FOXK1: variants seen among roughly 807,000 people sequenced by gnomAD.
FOXK1 encodes the protein forkhead box K1.
FOXK1 carries 19 observed loss-of-function variants against 51.9 expected under a neutral mutation model. The observed-to-expected ratio is 0.37, with a 90% CI of 0.26 to 0.54. The LOEUF is 0.54. Among genes scored for constraint, FOXK1 ranks in the 20% least tolerant of loss-of-function variants. FOXK1 has a pLI of 0.87. For missense variants in FOXK1, 870 were observed against 1,032.7 expected, an observed-to-expected ratio of 0.84 and a Z score of 2.16; for synonymous variants, 537 against 482.6, an observed-to-expected ratio of 1.11 and a Z score of -1.48.
chr7:4,727,270 T>G (rs1277491469), intron 1 of FOXK1, among the ~76,000 whole-genome samples: 1 of 152,076 alleles, frequency 6.6e-6, no homozygotes, highest in African/African-American at 2.4e-5. Context: ...TTATAGAATT[T>G]CATGTTAAGG....
At chr7:4,687,401 T>C (rs1779834862) in intron 1 of FOXK1, among the ~76,000 whole-genome samples, 1 of 152,010 alleles carries the variant, frequency 6.6e-6, no homozygotes, top group African/African-American at 2.4e-5. Flanking sequence ...CAAGCGATTC[T>C]CCTGCCTCAG....
At chr7:4,687,029 T>C (rs1583178399) in intron 1 of FOXK1, among the ~76,000 whole-genome samples, 1 of 150,086 alleles carries the variant, frequency 6.7e-6, no homozygotes, top group Non-Finnish European at 1.5e-5. Context: ...GCCTCCCGGG[T>C]TCACACCATT....
At position 4,756,906 on chromosome 7, in the gene FOXK1, C is replaced by G. The variant is rs1218172349; in HGVS notation, c.1051-88C>G. 1 of 1,447,064 alleles carries G rather than the reference C, an allele frequency of 6.9e-7. No individual in the cohort carries two copies. The highest frequency in any genetic ancestry group is 9.5e-7 in the Non-Finnish European group (1 of 1,058,158). 89.6% of individuals were successfully genotyped at this position (1,447,064 alleles called of 1,614,324 possible). ...CACAGAGGGACGGCCTCCCCTCACC[C>G]TGGTCCCGCATCTGCTGCAGATTTG... On this transcript the variant is annotated intron_variant, in intron 4 of 8. Coordinates refer to ENST00000328914, the MANE Select transcript of FOXK1 (RefSeq NM_001037165.2). The surrounding 1 kb of genome is among the most constrained non-coding windows in gnomAD (Gnocchi z 4.1).
intron 1 of FOXK1, among the ~76,000 whole-genome samples, chr7:4,691,001 G>C (rs952077897): frequency 6.6e-6 from 1 of 152,114 alleles, no homozygotes; most frequent in Non-Finnish European, 1.5e-5. Flanking sequence ...CTTGTTGGGC[G>C]ATCTTGTACT....
At chr7:4,701,003 G>C (rs753443973) in intron 1 of FOXK1, among the ~76,000 whole-genome samples, 1 of 152,200 alleles carries the variant, frequency 6.6e-6, no homozygotes, top group Non-Finnish European at 1.5e-5. Flanking sequence ...GCAGTGCTTT[G>C]AGCTGCTCAC....
At chr7:4,704,318 G>T (rs1780055125) in intron 1 of FOXK1, among the ~76,000 whole-genome samples, 1 of 151,748 alleles carries the variant, frequency 6.6e-6, no homozygotes, top group Non-Finnish European at 1.5e-5. Context: ...GGGCGTAGTG[G>T]GGCACGCCTG....
At chr7:4,690,982 G>A (rs1260553344) in intron 1 of FOXK1, among the ~76,000 whole-genome samples, 1 of 152,154 alleles carries the variant, frequency 6.6e-6, no homozygotes, top group Non-Finnish European at 1.5e-5. Context: ...ATAGGCCCCT[G>A]CATCGTGACT....
Position 4,749,199 on chromosome 7 carries a change from C to CT in FOXK1, c.747-5258dup, listed in dbSNP as rs1780744054. On this transcript the variant is annotated intron_variant, in intron 2 of 8. Coordinates refer to ENST00000328914, the MANE Select transcript of FOXK1 (RefSeq NM_001037165.2). The surrounding 1 kb of genome is among the most constrained non-coding windows in gnomAD (Gnocchi z 6.0). The stretch of plus-strand genomic sequence containing the variant: ...CTGCAGGTGTGCTTTGCATGCTGTT[C>CT]TTACTGTCCTACAGAGACGGCATCG... 1.3e-5 allele frequency among the ~76,000 whole-genome samples: 2 copies of CT among 152,138 alleles called. No homozygotes were observed. The highest frequency in any genetic ancestry group is 2.9e-5 in the Non-Finnish European group (2 of 68,034).
intron 1 of FOXK1, among the ~76,000 whole-genome samples, chr7:4,725,098 C>T (rs578012679): frequency 1.5e-4 from 23 of 152,388 alleles, no homozygotes; most frequent in Admixed American, 1.0e-3. Context: ...CAGCGTCCTC[C>T]GCGCCCACGT....
rs1780622411 is a variant in FOXK1, at chr7:4,740,740, T to G, written c.561-98T>G. On this transcript the variant is annotated intron_variant, in intron 1 of 8. Transcript: ENST00000328914. ...TGGGGCCCAGGTTTGAGAGTTACGG[T>G]CCAGTTACTTAGACACACAGACACG... The G allele has an allele frequency of 5.6e-6, 7 of 1,242,690 alleles. No homozygotes were observed. The South Asian group carries it at 8.7e-5, about 15-fold the overall frequency. The allele number at this position is 1,242,690 out of a possible 1,614,324, so 77.0% of individuals were successfully genotyped here. A position where few individuals can be genotyped will look rare whatever the true frequency, so the allele number is the denominator to read the frequency against.
intron 1 of FOXK1, among the ~76,000 whole-genome samples, chr7:4,701,298 T>G (rs1780018952): frequency 6.6e-6 from 1 of 152,276 alleles, no homozygotes; most frequent in Non-Finnish European, 1.5e-5. Flanking sequence ...TGAATTAGTT[T>G]GAGTAACGTT....
chr7:4,711,838 C>T lies in FOXK1; in HGVS notation c.560+28970C>T, dbSNP rs914464664. Among the ~76,000 whole-genome samples, 5 of 152,098 alleles carry T rather than the reference C, an allele frequency of 3.3e-5. No homozygotes were observed. Among genetic ancestry groups the T allele is most frequent in the African/African-American group, 1.2e-4 (5 of 41,408 alleles). Reference sequence around the variant, plus strand: ...CAAGGTCAGAGAGAAAAGATTGCGGCCGGCCGGTGTCAAGGCGGGGGACCT... The same window carrying T: ...CAAGGTCAGAGAGAAAAGATTGCGGTCGGCCGGTGTCAAGGCGGGGGACCT... On this transcript the variant is annotated intron_variant, in intron 1 of 8. Coordinates refer to ENST00000328914, the MANE Select transcript of FOXK1 (RefSeq NM_001037165.2). This position sits in a 1 kb window ranked among gnomAD's most constrained non-coding sequence, Gnocchi z 6.3.
intron 1 of FOXK1, among the ~76,000 whole-genome samples, chr7:4,737,469 TGTGTGC>T (rs1562383952): frequency 6.3e-4 from 95 of 150,908 alleles, no homozygotes; most frequent in South Asian, 1.7e-3. Context: ...TGCATGTGTG[TGTGTGC>T]GTGGGTGTGG....
rs1780148982 is a variant in FOXK1, at chr7:4,709,607, G to A, written c.560+26739G>A. ...GGCCTGTGTGGTCTGCTAGAAAAGG[G>A]GAGGTTGCAGAAGATTTTAACTTTG... On this transcript the variant is annotated intron_variant, in intron 1 of 8. Coordinates refer to ENST00000328914, the MANE Select transcript of FOXK1 (RefSeq NM_001037165.2). The surrounding 1 kb of genome is among the most constrained non-coding windows in gnomAD (Gnocchi z 5.6). 6.6e-6 allele frequency among the ~76,000 whole-genome samples: 1 copy of A among 152,212 alleles called. No homozygotes were observed. Among genetic ancestry groups the A allele is most frequent in the African/African-American group, 2.4e-5 (1 of 41,452 alleles).
At chr7:4,706,479 T>C (rs910342713) in intron 1 of FOXK1, among the ~76,000 whole-genome samples, 1 of 152,110 alleles carries the variant, frequency 6.6e-6, no homozygotes, top group African/African-American at 2.4e-5. Flanking sequence ...GGGCTGTGGA[T>C]GCTGACAGTT....
chr7:4,710,293 C>T (rs1207624041), intron 1 of FOXK1, among the ~76,000 whole-genome samples: 1 of 152,208 alleles, frequency 6.6e-6, no homozygotes, highest in Non-Finnish European at 1.5e-5. Flanking sequence ...CGCCTGTAAT[C>T]CCAGCACCTT....
Position 4,761,654 on chromosome 7 carries a change from T to C in FOXK1, c.1921+366T>C, listed in dbSNP as rs1780933995. Among the ~76,000 whole-genome samples, 1 of 151,756 alleles carries C rather than the reference T, an allele frequency of 6.6e-6. No homozygotes were observed. Among genetic ancestry groups the C allele is most frequent in the South Asian group, 2.1e-4 (1 of 4,812 alleles). ...TGAGGCTGTAGTCAGCTGTGATTGC[T>C]CCGCTACCTGCCAGCCTGGGTGACT... On this transcript the variant is annotated intron_variant, in intron 8 of 8. Transcript: ENST00000328914. The surrounding 1 kb of genome is among the most constrained non-coding windows in gnomAD (Gnocchi z 6.2).
At chr7:4,706,268 C>T (rs1412798537) in intron 1 of FOXK1, among the ~76,000 whole-genome samples, 1 of 152,048 alleles carries the variant, frequency 6.6e-6, no homozygotes, top group Non-Finnish European at 1.5e-5. Context: ...GGCTGCTGAT[C>T]AGAATCACAA....
rs1781026429 is a variant in FOXK1 at position 4,767,325 on chromosome 7, C to G, written c.*4861C>G. ...CGTCAGGCTCTTTGCAAACGCAGAGCCCCAGAACGCTGGATGGAGGCCTCC... is the reference window on the plus strand; with the variant it reads ...CGTCAGGCTCTTTGCAAACGCAGAGGCCCAGAACGCTGGATGGAGGCCTCC... On this transcript the variant is annotated 3_prime_UTR_variant, in exon 9 of 9. Transcript: ENST00000328914. The surrounding 1 kb of genome is among the most constrained non-coding windows in gnomAD (Gnocchi z 6.6). 6.6e-6 allele frequency: 1 copy of G among 152,274 alleles called. No homozygotes were observed. 9.4% of individuals were successfully genotyped at this position (152,274 alleles called of 1,614,324 possible). A position where few individuals can be genotyped will look rare whatever the true frequency, so the allele number is the denominator to read the frequency against.
Sources: allele counts gnomAD v4.1 joint callset (sites outside exome capture counted in the v4.1 genomes callset), GRCh38; gene constraint gnomAD v4.1.1; non-coding constraint Gnocchi (gnomAD v3.1); transcripts MANE v1.5; gene names NCBI Gene and HGNC (gene_info 2026-07-23, HGNC 2026-07-21).